OTOA: variants seen among roughly 807,000 people sequenced by gnomAD.
The protein encoded by OTOA is cancer/testis antigen 108.
A neutral mutation model predicts 110.8 loss-of-function variants in OTOA; 70 were observed. That is an observed-to-expected ratio of 0.63 (90% CI 0.52 to 0.77). OTOA has a LOEUF of 0.77. OTOA is among the 30% of genes least tolerant of loss of function. The pLI, the probability that OTOA is intolerant of heterozygous loss-of-function variation, is 0.00. For synonymous variants in OTOA, 373 were observed against 431.5 expected (o/e 0.86, Z 1.68); for missense variants, 917 against 1,075.8 (o/e 0.85, Z 2.06).
At position 21,716,967 on chromosome 16, in the gene OTOA, G is replaced by A. The variant is rs760392364; in HGVS notation, c.1549G>A (p.Glu517Lys). Reference protein sequence around the residue: ...IVEIQGAFFKEVSLFDLRRQP... With the variant: ...IVEIQGAFFKKVSLFDLRRQP... ...GGAGATACAAGGGGCTTTCTTTAAG[G>A]AAGTGTCTCTCTTTGATTTAAGGAG... is the stretch of plus-strand genomic sequence containing the variant. Residue 517 changes from glutamate to lysine, a missense_variant, in exon 15 of 29, where the codon GAA becomes AAA. Physicochemically the swap from Glu to Lys is moderately conservative, Grantham distance 56 (BLOSUM62 1). Around this residue, in one of 6 missense-constraint regions of OTOA, gnomAD observed 840 missense variants for 910.2 expected, o/e 0.92. Transcript: ENST00000646100. 6.2e-7 allele frequency: 1 copy of A among 1,614,038 alleles called. No individual in the cohort carries two copies. The highest frequency in any genetic ancestry group is 1.7e-5 in the Admixed American group (1 of 59,984).
intron 8 of OTOA, among the ~76,000 whole-genome samples, chr16:21,690,500 C>A (rs2141664133): frequency 6.6e-6 from 1 of 152,248 alleles, no homozygotes; most frequent in African/African-American, 2.4e-5. Flanking sequence ...CAGGTCCATT[C>A]ATGTCCCTGC....
chr16:21,687,583 C>T lies in OTOA; in HGVS notation c.570C>T (p.Ser190=), dbSNP rs1252645160. The T allele has an allele frequency of 3.7e-6, 6 of 1,613,792 alleles. No homozygotes were observed. The highest frequency in any genetic ancestry group is 5.1e-6 in the Non-Finnish European group (6 of 1,179,976). ...AGGTGCTGAGGGGGTCCTCAGGGAGCTTTCTCCAGCCAGACATCACAGAGC... is the reference window on the plus strand; with the variant it reads ...AGGTGCTGAGGGGGTCCTCAGGGAGTTTTCTCCAGCCAGACATCACAGAGC... ...LGKVLRGSSG[S]FLQPDITERL... is the part of the protein sequence containing the mutation. The change falls in exon 8 of 29, where the codon AGC becomes AGT. Residue 190 remains serine (S), a synonymous_variant. Coordinates refer to ENST00000646100, the MANE Select transcript of OTOA (RefSeq NM_144672.4).
In OTOA at chr16:21,709,986, A is replaced by G. The variant is rs1411547382; in HGVS notation, c.1203A>G (p.Gln401=). The part of the protein sequence containing the change: ...SDAVVGLTYS[Q]LESLSPEAVH... Reference sequence around the variant, plus strand: ...CAGTTGTAGGTTTGACCTACAGCCAACTGGAATCCCTCTCCCCCGAGGCTG... The same window carrying G: ...CAGTTGTAGGTTTGACCTACAGCCAGCTGGAATCCCTCTCCCCCGAGGCTG... Residue 401 remains glutamine (Q), a synonymous_variant, in exon 13 of 29, where the codon CAA becomes CAG. Transcript: ENST00000646100. 5.6e-6 allele frequency: 9 copies of G among 1,613,882 alleles called. No individual in the cohort carries two copies. Among genetic ancestry groups the G allele is most frequent in the African/African-American group, 1.3e-5 (1 of 74,866 alleles).
intron 21 of OTOA, among the ~76,000 whole-genome samples, chr16:21,734,542 AT>A (rs1371404382): frequency 6.6e-6 from 1 of 152,148 alleles, no homozygotes; most frequent in Non-Finnish European, 1.5e-5. Flanking sequence ...ATTAAAAAAA[AT>A]AAAATAAAAA....
In OTOA at chr16:21,732,371, G is replaced by T. The variant is rs1899143634; in HGVS notation, c.2301+1441G>T. 5.9e-5 allele frequency among the ~76,000 whole-genome samples: 9 copies of T among 152,258 alleles called. No individual in the cohort carries two copies. In the South Asian group the frequency reaches 1.9e-3, roughly 32 times the overall value. On this transcript the variant is annotated intron_variant, in intron 21 of 28. Coordinates refer to ENST00000646100, the MANE Select transcript of OTOA (RefSeq NM_144672.4). ...TTTTTCCATAAGGTATTGGGGTACAGGTGGTGTTTGGTTACATGAGTAAGT... is the reference window on the plus strand; with the variant it reads ...TTTTTCCATAAGGTATTGGGGTACATGTGGTGTTTGGTTACATGAGTAAGT...
intron 20 of OTOA, among the ~76,000 whole-genome samples, chr16:21,728,745 C>T (rs1211398167): frequency 2.0e-5 from 3 of 151,908 alleles, no homozygotes; most frequent in Non-Finnish European, 2.9e-5. Flanking sequence ...TGTGCCACCA[C>T]GCCCAGCTAT....
chr16:21,665,006 A>AAATT (rs1966835137), intron 1 of OTOA, among the ~76,000 whole-genome samples: 1 of 151,926 alleles, frequency 6.6e-6, no homozygotes, highest in African/African-American at 2.4e-5. Flanking sequence ...ATAAATAAAT[A>AAATT]AATAAATAAA....
At chr16:21,682,076 G>T (rs1966901831) in intron 6 of OTOA, among the ~76,000 whole-genome samples, 1 of 152,186 alleles carries the variant, frequency 6.6e-6, no homozygotes, top group African/African-American at 2.4e-5. Context: ...ACCCCCAGAT[G>T]ACAGCAGCTC....
intron 11 of OTOA, among the ~76,000 whole-genome samples, chr16:21,703,502 A>T (rs8047201): frequency 3.0e-4 from 45 of 150,250 alleles, no homozygotes; most frequent in African/African-American, 9.8e-4. Context: ...CCACCAAATT[A>T]AAAAAAAAAT....
At chr16:21,679,243 G>T in intron 5 of OTOA, 32 bp downstream of exon 5, 1 of 1,604,310 alleles carries the variant, frequency 6.2e-7, no homozygotes. Flanking sequence ...GGGAAGGGAT[G>T]GTATAGATTT....
At chr16:21,700,245 T>C (rs1247619416) in intron 10 of OTOA, among the ~76,000 whole-genome samples, 1 of 152,208 alleles carries the variant, frequency 6.6e-6, no homozygotes, top group African/African-American at 2.4e-5. Context: ...AAAAAAATTC[T>C]GATTCTTCAA....
At chr16:21,680,959 G>A (rs1032032702) in intron 5 of OTOA, among the ~76,000 whole-genome samples, 11 of 152,080 alleles carry the variant, frequency 7.2e-5, no homozygotes, top group Middle Eastern at 6.8e-3. Context: ...TCTCACAGTT[G>A]TTAACCATAT....
intron 19 of OTOA, 142 bp from the exon 20 acceptor site, chr16:21,728,099 A>T: frequency 1.9e-6 from 2 of 1,031,330 alleles, no homozygotes; most frequent in Admixed American, 3.9e-5. Context: ...TCCTGGCCTC[A>T]AATGATCTGT....
intron 10 of OTOA, among the ~76,000 whole-genome samples, chr16:21,698,380 A>G (rs551478373): frequency 6.6e-6 from 1 of 152,276 alleles, no homozygotes; most frequent in South Asian, 2.1e-4. Flanking sequence ...ACATTCTAGG[A>G]TTACTTAACT....
chr16:21,760,622 C>T lies in OTOA; in HGVS notation c.*82C>T. On this transcript the variant is annotated 3_prime_UTR_variant, in exon 29 of 29. Coordinates refer to ENST00000646100, the MANE Select transcript of OTOA (RefSeq NM_144672.4). Reference sequence around the variant, plus strand: ...ACAGGATGCTCCAGATGGTGGGACACCCTTCCCTGGATCCAGACCCTCATC... The same window carrying T: ...ACAGGATGCTCCAGATGGTGGGACATCCTTCCCTGGATCCAGACCCTCATC... 6 of 1,264,728 alleles carry T rather than the reference C, an allele frequency of 4.7e-6. No individual in the cohort carries two copies. In the South Asian group the frequency reaches 4.8e-5, roughly 10 times the overall value. 78.3% of individuals were successfully genotyped at this position (1,264,728 alleles called of 1,614,324 possible).
rs1471873126 is a variant in OTOA at position 21,730,678 on chromosome 16, T to A, written c.2208-159T>A. ...CAGGGATGACTCTGATTGGTCAGCC[T>A]GCATCACATGCCAATTTTCTTGGTC... is the stretch of plus-strand genomic sequence containing the variant. On this transcript the variant is annotated intron_variant, in intron 20 of 28. Coordinates refer to ENST00000646100, the MANE Select transcript of OTOA (RefSeq NM_144672.4). The A allele has an allele frequency of 4.8e-6, 3 of 623,778 alleles. No homozygotes were observed. The East Asian group carries it at 9.3e-5, about 19-fold the overall frequency. 38.6% of individuals were successfully genotyped at this position (623,778 alleles called of 1,614,324 possible).
At chr16:21,666,242 C>A (rs1377344027) in intron 1 of OTOA, among the ~76,000 whole-genome samples, 1 of 129,412 alleles carries the variant, frequency 7.7e-6, no homozygotes, top group Non-Finnish European at 1.6e-5. Flanking sequence ...CATGAAATGG[C>A]ATTTTTTTTT....
intron 28 of OTOA, among the ~76,000 whole-genome samples, chr16:21,759,576 T>A (rs927058354): frequency 6.6e-5 from 10 of 152,152 alleles, no homozygotes; most frequent in South Asian, 2.1e-4. Flanking sequence ...CAAAGTGAGA[T>A]TGCTAGATCA....
chr16:21,718,024 T>G (rs955377428), intron 15 of OTOA, among the ~76,000 whole-genome samples: 2 of 152,188 alleles, frequency 1.3e-5, no homozygotes, highest in Non-Finnish European at 2.9e-5. Context: ...TGGCACAATC[T>G]TGGCTCACTG....
Sources: allele counts gnomAD v4.1 joint callset (sites outside exome capture counted in the v4.1 genomes callset), GRCh38; gene constraint gnomAD v4.1.1; regional missense constraint gnomAD v4.1.1; transcripts MANE v1.5; gene names NCBI Gene and HGNC (gene_info 2026-07-23, HGNC 2026-07-21).